Variants in SPEN observed in about 807,000 individuals in gnomAD.
SPEN encodes msx2-interacting protein.
SPEN carries 18 observed loss-of-function variants against 269.9 expected under a neutral mutation model. That is an observed-to-expected ratio of 0.07 (90% CI 0.05 to 0.10). The LOEUF is 0.10. SPEN is among the 10% of genes least tolerant of loss of function. The probability of loss-of-function intolerance (pLI) is 1.00; values close to 1 mark genes in which losing one functional copy is unlikely to be tolerated. For missense variants in SPEN, 3,822 were observed against 4,631.2 expected (o/e 0.83, Z 5.07); for synonymous variants, 1,726 against 1,765.7 (o/e 0.98, Z 0.56).
chr1:15,930,468 G>A lies in SPEN; in HGVS notation c.4228G>A (p.Asp1410Asn). 1 of 1,614,194 alleles carries A rather than the reference G, an allele frequency of 6.2e-7. No individual in the cohort carries two copies. The highest frequency in any genetic ancestry group is 8.5e-7 in the Non-Finnish European group (1 of 1,180,034). ...ESSRLSFLLRDREDKLRERDE... is the reference protein window; with the variant it reads ...ESSRLSFLLRNREDKLRERDE... ...TTCTCGATTGTCTTTTTTATTGAGG[G>A]ACAGAGAAGACAAGCTACGTGAGCG... Residue 1410 changes from aspartate to asparagine, a missense_variant, in exon 11 of 15, where the codon GAC becomes AAC. Physicochemically the swap from Asp to Asn is conservative, Grantham distance 23. Coordinates refer to ENST00000375759, the MANE Select transcript of SPEN (RefSeq NM_015001.3). The surrounding 1 kb of genome is among the most constrained non-coding windows in gnomAD (Gnocchi z 5.3).
Position 15,889,608 on chromosome 1 carries a change from A to G in SPEN, c.881+12930A>G, listed in dbSNP as rs75873000. On this transcript the variant is annotated intron_variant, in intron 3 of 14. Coordinates refer to ENST00000375759, the MANE Select transcript of SPEN (RefSeq NM_015001.3). ...TGTCCATTCCTGTGTGAGAAAATGG[A>G]AAGAGCACTCTCTGGTCATTTACTT... 1.0e-3 allele frequency among the ~76,000 whole-genome samples: 157 copies of G among 152,316 alleles called. 1 individual carries two copies. In the East Asian group the frequency reaches 0.025, roughly 24 times the overall value.
rs745722317 is a variant in SPEN, at chr1:15,911,235, T to C, written c.1177T>C (p.Leu393=). Residue 393 remains leucine, a synonymous_variant, in exon 5 of 15, where the codon TTG becomes CTG. Transcript: ENST00000375759. ...FRQQEDQEKA[L]TASKGKLFFG... The stretch of plus-strand genomic sequence containing the variant: ...GCAGCAAGAGGACCAAGAAAAAGCC[T>C]TGACTGCATCAAAAGGAAAACTTTT... The C allele has an allele frequency of 6.2e-7, 1 of 1,614,150 alleles. No homozygotes were observed. Among genetic ancestry groups the C allele is most frequent in the Admixed American group, 1.7e-5 (1 of 60,000 alleles).
intron 1 of SPEN, among the ~76,000 whole-genome samples, chr1:15,865,412 A>G (rs2070494685): frequency 7.4e-6 from 1 of 135,098 alleles, no homozygotes; most frequent in Non-Finnish European, 1.5e-5. Context: ...CTATGCAGGT[A>G]TATGCCTGTT....
chr1:15,909,325 G>A lies in SPEN; in HGVS notation c.886G>A (p.Asp296Asn), dbSNP rs1189468166. The A allele has an allele frequency of 6.2e-7, 1 of 1,605,298 alleles. No individual in the cohort carries two copies. The highest frequency in any genetic ancestry group is 2.2e-5 in the East Asian group (1 of 44,806). ...GTTGTTGTTGCCTTTTTGCAGCAGT[G>A]ATTCCAGCAGTAGTTCAAGTGATGA... ...SSSSTSSDSS[D>N]SSSSSSDDSP... is the part of the protein sequence containing the mutation. Residue 296 changes from aspartate (D) to asparagine (N), a missense_variant, in exon 4 of 15, where the codon GAT becomes AAT. Physicochemically the swap from Asp to Asn is conservative, Grantham distance 23. This residue lies in a region of SPEN where 327 missense variants were observed against 350.8 expected (regional missense o/e 0.93). Coordinates refer to ENST00000375759, the MANE Select transcript of SPEN (RefSeq NM_015001.3).
At chr1:15,878,732 C>CGT (rs958996718) in intron 3 of SPEN, among the ~76,000 whole-genome samples, 2 of 152,028 alleles carry the variant, frequency 1.3e-5, no homozygotes, top group Non-Finnish European at 2.9e-5. Context: ...AGGCACTGGG[C>CGT]GTGTGGCTCA....
intron 3 of SPEN, among the ~76,000 whole-genome samples, chr1:15,902,978 A>G (rs2070918179): frequency 6.6e-6 from 1 of 152,182 alleles, no homozygotes; most frequent in African/African-American, 2.4e-5. Context: ...AAAAACCAGT[A>G]TAGATGCATA....
chr1:15,850,550 C>G (rs928377943), intron 1 of SPEN, among the ~76,000 whole-genome samples: 1 of 152,122 alleles, frequency 6.6e-6, no homozygotes, highest in African/African-American at 2.4e-5. Flanking sequence ...CCCTCACCCC[C>G]CAAAATCCAG....
In SPEN at chr1:15,930,034, G is replaced by C. The variant is rs749587229; in HGVS notation, c.3794G>C (p.Arg1265Pro). The C allele has an allele frequency of 6.2e-6, 10 of 1,614,158 alleles. No individual in the cohort carries two copies. The highest frequency in any genetic ancestry group is 3.3e-4 in the Middle Eastern group (2 of 6,062). The change falls in exon 11 of 15, where the codon CGA becomes CCA. Residue 1265 changes from arginine (R) to proline (P), a missense_variant. By Grantham distance (103) the Arg-to-Pro change is moderately radical (BLOSUM62 -2). Transcript: ENST00000375759. This position sits in a 1 kb window ranked among gnomAD's most constrained non-coding sequence, Gnocchi z 5.3. ...AGGACTGGTGGTTCTCCCAGTGTCC[G>C]ACATGGTTCCTTCCATGAAGATGAG... ...SERTGGSPSV[R>P]HGSFHEDEDP...
At position 15,925,594 on chromosome 1, in the gene SPEN, A is replaced by AT. The variant is rs369915074; in HGVS notation, c.1851-2482dup. Among the ~76,000 whole-genome samples, 1,040 of 143,792 alleles carry AT rather than the reference A, an allele frequency of 7.2e-3. 8 individuals carry two copies. Among genetic ancestry groups the AT allele is most frequent in the African/African-American group, 0.017 (677 of 39,412 alleles). The allele number at this position is 143,792 out of a possible 152,430, so 94.3% of individuals were successfully genotyped here. ...TTACTACTTAATAAATTTTTATTAA[A>AT]TTTTTTTTTTTTTTTGTAGAGATGG... On this transcript the variant is annotated intron_variant, in intron 10 of 14. Coordinates refer to ENST00000375759, the MANE Select transcript of SPEN (RefSeq NM_015001.3).
intron 6 of SPEN, among the ~76,000 whole-genome samples, chr1:15,916,876 C>G (rs1010900115): frequency 8.5e-5 from 13 of 152,196 alleles, no homozygotes; most frequent in African/African-American, 3.1e-4. Flanking sequence ...CCTATAATCT[C>G]AGCACTTTGG....
Position 15,876,456 on chromosome 1 carries a change from A to G in SPEN, c.659A>G (p.Tyr220Cys). The G allele has an allele frequency of 6.2e-7, 1 of 1,614,112 alleles. No individual in the cohort carries two copies. Among genetic ancestry groups the G allele is most frequent in the Non-Finnish European group, 8.5e-7 (1 of 1,180,006 alleles). The change falls in exon 3 of 15, where the codon TAC becomes TGC. Residue 220 changes from tyrosine (Y) to cysteine (C), a missense_variant. Tyr to Cys is a radical substitution (Grantham distance 194, BLOSUM62 -2). Around this residue, in one of 16 missense-constraint regions of SPEN, gnomAD observed 327 missense variants for 350.8 expected, o/e 0.93. Coordinates refer to ENST00000375759, the MANE Select transcript of SPEN (RefSeq NM_015001.3). ...CCCAGTGTGGTACACAGGGATATCT[A>G]CAGGGATGATATTACCCGGGAGGTA... ...TLPSVVHRDI[Y>C]RDDITREVRG...
rs201737335 is a variant in SPEN at position 15,875,279 on chromosome 1, G to GT, written c.405-920dup. Among the ~76,000 whole-genome samples the GT allele has an allele frequency of 2.9e-4, 8 of 27,272 alleles. No individual in the cohort carries two copies. In the South Asian group the frequency reaches 9.1e-3, roughly 31 times the overall value. 17.9% of individuals were successfully genotyped at this position (27,272 alleles called of 152,430 possible). On this transcript the variant is annotated intron_variant, in intron 2 of 14. Transcript: ENST00000375759. ...GGTATTCACATCCTACTAAATGATT[G>GT]TTTAAGTTAAGCTATTTTGCTAATA... is the stretch of plus-strand genomic sequence containing the variant.
intron 3 of SPEN, among the ~76,000 whole-genome samples, chr1:15,889,160 TTTTC>T (rs1404344104): frequency 1.7e-4 from 16 of 96,898 alleles, no homozygotes; most frequent in East Asian, 4.2e-4. Flanking sequence ...CTTTCTTTTC[TTTTC>T]TTTTTTTTTT....
chr1:15,865,874 ATT>A (rs1222860872), intron 1 of SPEN, among the ~76,000 whole-genome samples: 16 of 137,782 alleles, frequency 1.2e-4, no homozygotes, highest in Non-Finnish European at 1.3e-4. Flanking sequence ...AGGAGTTGTA[ATT>A]TTTTTTTTTT....
rs117633553 is a variant in SPEN at position 15,897,181 on chromosome 1, G to T, written c.882-12140G>T. 1.0e-3 allele frequency among the ~76,000 whole-genome samples: 156 copies of T among 152,112 alleles called. 1 individual carries two copies. The East Asian group carries it at 0.025, about 24-fold the overall frequency. ...AAACAAAGTTGAAATTAAAATATTG[G>T]TTACATAATAAAAACTTTGTTTTTT... On this transcript the variant is annotated intron_variant, in intron 3 of 14. Transcript: ENST00000375759.
In SPEN at chr1:15,930,019, G is replaced by T. The variant is rs1440344407; in HGVS notation, c.3779G>T (p.Gly1260Val). The T allele has an allele frequency of 3.1e-6, 5 of 1,614,018 alleles. No homozygotes were observed. In the African/African-American group the frequency reaches 5.3e-5, roughly 17 times the overall value. ...AGCGAAGATTCTGAAAGGACTGGTG[G>T]TTCTCCCAGTGTCCGACATGGTTCC... ...QISEDSERTG[G>V]SPSVRHGSFH... Residue 1260 changes from glycine (G) to valine (V), a missense_variant, in exon 11 of 15, where the codon GGT becomes GTT. Around this residue, in one of 16 missense-constraint regions of SPEN, gnomAD observed 267 missense variants for 315.5 expected, o/e 0.85. Coordinates refer to ENST00000375759, the MANE Select transcript of SPEN (RefSeq NM_015001.3). The surrounding 1 kb of genome is among the most constrained non-coding windows in gnomAD (Gnocchi z 5.3).
Position 15,934,804 on chromosome 1 carries a change from A to G in SPEN, c.8564A>G (p.Gln2855Arg). The change falls in exon 11 of 15, where the codon CAG becomes CGG. Residue 2855 changes from glutamine to arginine, a missense_variant. Around this residue, in one of 16 missense-constraint regions of SPEN, gnomAD observed 329 missense variants for 431.2 expected, o/e 0.76. Transcript: ENST00000375759. This position sits in a 1 kb window ranked among gnomAD's most constrained non-coding sequence, Gnocchi z 9.2. ...TTTCAGCAGTCAGTGTCCAAGTCCC[A>G]GGTCAAACCTGATTCTGTCACAGCA... ...IEFQQSVSKS[Q>R]VKPDSVTASQ... The G allele has an allele frequency of 6.2e-7, 1 of 1,614,186 alleles. No homozygotes were observed. The highest frequency in any genetic ancestry group is 2.2e-5 in the East Asian group (1 of 44,878).
intron 5 of SPEN, 27 bp downstream of exon 5, chr1:15,911,328 G>T (rs758694709): frequency 5.0e-6 from 8 of 1,590,556 alleles, no homozygotes; most frequent in Non-Finnish European, 6.9e-6. Context: ...CTGAGTTTGA[G>T]TTACTCATCA....
chr1:15,850,422 C>T (rs187437305), intron 1 of SPEN, among the ~76,000 whole-genome samples: 10 of 150,752 alleles, frequency 6.6e-5, no homozygotes, highest in Non-Finnish European at 1.5e-5. Context: ...CATTTTTAAA[C>T]AAATCTATTT....
Sources: allele counts gnomAD v4.1 joint callset (sites outside exome capture counted in the v4.1 genomes callset), GRCh38; gene constraint gnomAD v4.1.1; regional missense constraint gnomAD v4.1.1; non-coding constraint Gnocchi (gnomAD v3.1); transcripts MANE v1.5; gene names NCBI Gene and HGNC (gene_info 2026-07-23, HGNC 2026-07-21).